Variants in NEDD4L observed in about 807,000 individuals in gnomAD.
NEDD4L encodes E3 ubiquitin-protein ligase NEDD4-like.
A neutral mutation model predicts 148.9 loss-of-function variants in NEDD4L; 54 were observed. That is an observed-to-expected ratio of 0.36 (90% CI 0.29 to 0.45). The LOEUF (loss-of-function observed/expected upper bound fraction) is 0.45, where lower values mean the gene tolerates loss of function less well. Ranked by LOEUF, NEDD4L falls within the 20% of genes least tolerant of loss-of-function variation. NEDD4L has a pLI of 1.00. For missense variants in NEDD4L, 856 were observed against 1,233.8 expected (o/e 0.69, Z 4.59); for synonymous variants, 433 against 440.7 (o/e 0.98, Z 0.22).
chr18:58,174,310 G>A (rs1448882511), intron 2 of NEDD4L, among the ~76,000 whole-genome samples: 1 of 152,058 alleles, frequency 6.6e-6, no homozygotes, highest in African/African-American at 2.4e-5. Flanking sequence ...AAAAGGCATT[G>A]TTCAGAAAGA....
intron 2 of NEDD4L, among the ~76,000 whole-genome samples, chr18:58,232,706 A>C (rs2045394731): frequency 6.6e-6 from 1 of 152,242 alleles, no homozygotes; most frequent in Non-Finnish European, 1.5e-5. Flanking sequence ...CTCGCTTAAA[A>C]AATTTCAAGA....
At chr18:58,314,727 A>G (rs1257744444) in intron 5 of NEDD4L, 1 of 152,242 alleles carries the variant, frequency 6.6e-6, no homozygotes, top group Non-Finnish European at 1.5e-5. Context: ...GGCTAGTCTC[A>G]TTCTTCATGC....
intron 1 of NEDD4L, chr18:58,047,512 T>G (rs2081641606): frequency 1.0e-5 from 10 of 985,396 alleles, no homozygotes; most frequent in Non-Finnish European, 1.2e-5. Flanking sequence ...TTGTAGAAGG[T>G]AAGGGGTTGA....
intron 2 of NEDD4L, among the ~76,000 whole-genome samples, chr18:58,241,635 GCTGA>G (rs1032253860): frequency 6.6e-6 from 1 of 151,836 alleles, no homozygotes; most frequent in Admixed American, 6.6e-5. Flanking sequence ...GACCACTGCT[GCTGA>G]CTGCTTTTTT....
intron 1 of NEDD4L, among the ~76,000 whole-genome samples, chr18:58,109,350 C>T (rs543549542): frequency 6.6e-6 from 1 of 152,156 alleles, no homozygotes; most frequent in African/African-American, 2.4e-5. Context: ...CAGGCACTTG[C>T]ATTAACATTT....
chr18:58,206,365 G>A (rs1245517557), intron 2 of NEDD4L, among the ~76,000 whole-genome samples: 6 of 152,110 alleles, frequency 3.9e-5, no homozygotes. Context: ...CTCCAGCCTG[G>A]GTGACATAGC....
rs73448422 is a variant in NEDD4L at position 58,147,048 on chromosome 18, G to A, written c.49-18740G>A. 9.4e-3 allele frequency among the ~76,000 whole-genome samples: 1,432 copies of A among 152,288 alleles called. 22 individuals carry two copies. Among genetic ancestry groups the A allele is most frequent in the African/African-American group, 0.03 (1,237 of 41,558 alleles). The stretch of plus-strand genomic sequence containing the variant: ...GGCCCAGGATGCGTTCTCAGGCTGG[G>A]GTGGGAGGCCTGATGATGGCAGATT... On this transcript the variant is annotated intron_variant, in intron 1 of 30. Transcript: ENST00000400345.
chr18:58,071,056 A>C (rs1426741854), intron 1 of NEDD4L, among the ~76,000 whole-genome samples: 4 of 151,960 alleles, frequency 2.6e-5, no homozygotes, highest in African/African-American at 4.8e-5. Flanking sequence ...ACACACACAC[A>C]CCTCGGTTTC....
chr18:58,387,170 C>T (rs114709350), intron 26 of NEDD4L, among the ~76,000 whole-genome samples: 6 of 152,332 alleles, frequency 3.9e-5, no homozygotes, highest in African/African-American at 1.4e-4. Context: ...TTTTGGAATC[C>T]ACCCTGCCTA....
chr18:58,329,926 G>A (rs1209476481), intron 10 of NEDD4L, among the ~76,000 whole-genome samples: 2 of 152,142 alleles, frequency 1.3e-5, no homozygotes, highest in Admixed American at 6.5e-5. Flanking sequence ...AATGAGCCCT[G>A]TAACTTGTTT....
intron 23 of NEDD4L, among the ~76,000 whole-genome samples, chr18:58,371,244 G>A (rs1256809095): frequency 1.6e-5 from 2 of 122,162 alleles, no homozygotes; most frequent in East Asian, 2.3e-4. Context: ...TAGTAGAAAC[G>A]AGGTTTCGCT....
intron 24 of NEDD4L, among the ~76,000 whole-genome samples, chr18:58,374,500 T>G (rs7242150): frequency 0.076 from 11,486 of 151,496 alleles, 579 homozygotes; most frequent in Non-Finnish European, 0.11. Context: ...TGTTGTGCTT[T>G]ATGCCTGAGA....
chr18:58,215,753 T>C (rs942502492), intron 2 of NEDD4L, among the ~76,000 whole-genome samples: 3 of 152,168 alleles, frequency 2.0e-5, no homozygotes, highest in African/African-American at 7.2e-5. Flanking sequence ...AGAAAGAACA[T>C]CAGTCACTCT....
At chr18:58,129,089 T>G (rs967675078) in intron 1 of NEDD4L, among the ~76,000 whole-genome samples, 10 of 152,230 alleles carry the variant, frequency 6.6e-5, no homozygotes, top group African/African-American at 2.4e-4. Flanking sequence ...CGGCCTGTGC[T>G]TTATCATTTT....
chr18:58,214,447 C>G (rs991936633), intron 2 of NEDD4L, among the ~76,000 whole-genome samples: 1 of 152,162 alleles, frequency 6.6e-6, no homozygotes, highest in African/African-American at 2.4e-5. Flanking sequence ...TTCTGTTGAT[C>G]TCTCCAAGCC....
intron 2 of NEDD4L, among the ~76,000 whole-genome samples, chr18:58,189,394 A>T (rs890201035): frequency 6.6e-6 from 1 of 152,132 alleles, no homozygotes; most frequent in Non-Finnish European, 1.5e-5. Flanking sequence ...GAAGAAAATA[A>T]CTTACAAACA....
At chr18:58,375,539 CAACA>C (rs1226431298) in intron 24 of NEDD4L, among the ~76,000 whole-genome samples, 3 of 152,160 alleles carry the variant, frequency 2.0e-5, no homozygotes, top group African/African-American at 4.8e-5. Context: ...GTCAACCTGT[CAACA>C]AACAGTGTGC....
At chr18:58,127,946 A>C (rs2031431843) in intron 1 of NEDD4L, among the ~76,000 whole-genome samples, 1 of 152,166 alleles carries the variant, frequency 6.6e-6, no homozygotes, top group African/African-American at 2.4e-5. Context: ...GGCTCACTGC[A>C]AACCCCACCT....
chr18:58,249,184 T>C (rs2047614552), intron 4 of NEDD4L, among the ~76,000 whole-genome samples: 1 of 152,228 alleles, frequency 6.6e-6, no homozygotes, highest in African/African-American at 2.4e-5. Context: ...CCATGTTTCA[T>C]CTTTTGAATT....
Sources: gnomAD v4.1 joint callset for allele counts (sites outside exome capture counted in the v4.1 genomes callset) on GRCh38, gnomAD v4.1.1 for gene constraint, MANE v1.5 for transcripts, NCBI Gene and HGNC (gene_info 2026-07-23, HGNC 2026-07-21) for gene names.